Variants in SGSM2 observed in about 807,000 individuals in gnomAD.
The protein encoded by SGSM2 is RUN and TBC1 domain containing 1.
Under a neutral mutation model 126.6 loss-of-function variants are expected in SGSM2, and 89 were observed. That is an observed-to-expected ratio of 0.70 (90% CI 0.59 to 0.84). The LOEUF is 0.84. SGSM2 is among the 40% of genes least tolerant of loss of function. SGSM2 has a pLI of 0.00. For synonymous variants in SGSM2, 614 were observed against 574.3 expected (o/e 1.07, Z -0.99); for missense variants, 1,404 against 1,416.6 (o/e 0.99, Z 0.14).
chr17:2,358,193 C>T (rs946086870), intron 2 of SGSM2, among the ~76,000 whole-genome samples: 12 of 152,180 alleles, frequency 7.9e-5, no homozygotes, highest in African/African-American at 2.4e-4. Context: ...TCTGGGCCTC[C>T]AGTCAGAACG....
At chr17:2,379,283 G>A (rs750941674) in intron 23 of SGSM2, 80 bp downstream of exon 23, 117 of 1,574,662 alleles carry the variant, frequency 7.4e-5, no homozygotes, top group Non-Finnish European at 9.9e-5. Context: ...ACAGCTGGAG[G>A]GTTCTCAGGA....
At position 2,379,664 on chromosome 17, in the gene SGSM2, C is replaced by G; in HGVS notation, c.*144C>G. On this transcript the variant is annotated 3_prime_UTR_variant, in exon 24 of 24. Transcript: ENST00000268989. The stretch of plus-strand genomic sequence containing the variant: ...CGGTTGTGAGCCTGGATCCGACTCC[C>G]GGCAGTGCTGACCCTGCAGGGCAAG... 6.9e-7 allele frequency: 1 copy of G among 1,454,184 alleles called. No individual in the cohort carries two copies. Among genetic ancestry groups the G allele is most frequent in the Non-Finnish European group, 9.1e-7 (1 of 1,098,992 alleles). The allele number at this position is 1,454,184 out of a possible 1,614,324, so 90.1% of individuals were successfully genotyped here. A position where few individuals can be genotyped will look rare whatever the true frequency, so the allele number is the denominator to read the frequency against.
chr17:2,351,709 A>C (rs561049706), intron 2 of SGSM2, among the ~76,000 whole-genome samples: 1 of 152,008 alleles, frequency 6.6e-6, no homozygotes, highest in African/African-American at 2.4e-5. Context: ...AGGTCTACGC[A>C]CCACCACGCT....
Position 2,362,075 on chromosome 17 carries a change from C to T in SGSM2, c.297-34C>T. On this transcript the variant is annotated intron_variant, in intron 3 of 23. Transcript: ENST00000268989. This position sits in a 1 kb window ranked among gnomAD's most constrained non-coding sequence, Gnocchi z 4.9. Reference sequence around the variant, plus strand: ...AGCATTCTGGGGTTTACCCCTAGACCACTGCACTCCTGGAGCCCTCCCCGC... The same window carrying T: ...AGCATTCTGGGGTTTACCCCTAGACTACTGCACTCCTGGAGCCCTCCCCGC... 1 of 1,594,474 alleles carries T rather than the reference C, an allele frequency of 6.3e-7. No individual in the cohort carries two copies. The highest frequency in any genetic ancestry group is 8.5e-7 in the Non-Finnish European group (1 of 1,172,450).
intron 2 of SGSM2, among the ~76,000 whole-genome samples, chr17:2,357,546 G>A (rs757418525): frequency 2.6e-5 from 4 of 152,140 alleles, no homozygotes; most frequent in Non-Finnish European, 4.4e-5. Context: ...CACCCAGGCT[G>A]GAGTGCAATG....
In SGSM2 at chr17:2,363,402, G is replaced by A; in HGVS notation, c.673-63G>A. 6.2e-7 allele frequency: 1 copy of A among 1,604,032 alleles called. No individual in the cohort carries two copies. The highest frequency in any genetic ancestry group is 1.1e-5 in the South Asian group (1 of 90,752). On this transcript the variant is annotated intron_variant, in intron 6 of 23. Transcript: ENST00000268989. This position sits in a 1 kb window ranked among gnomAD's most constrained non-coding sequence, Gnocchi z 4.2. Reference sequence around the variant, plus strand: ...GGAGAGGGTCAGCATGGAAGCGTGAGGGTTCCCAAGCCTTGAGGCCAGTTT... The same window carrying A: ...GGAGAGGGTCAGCATGGAAGCGTGAAGGTTCCCAAGCCTTGAGGCCAGTTT...
intron 2 of SGSM2, among the ~76,000 whole-genome samples, chr17:2,345,151 T>C (rs1449746394): frequency 6.6e-6 from 1 of 151,988 alleles, no homozygotes; most frequent in African/African-American, 2.4e-5. Context: ...AGTATTATGA[T>C]AAGCAACTTT....
At position 2,364,112 on chromosome 17, in the gene SGSM2, G is replaced by C. The variant is rs2065447649; in HGVS notation, c.861G>C (p.Glu287Asp). Reference sequence around the variant, plus strand: ...ACCTCTCCCTGCACCAGTCTGCAGAGAGCCTGACTCTGAAGTGGACCCCCA... The same window carrying C: ...ACCTCTCCCTGCACCAGTCTGCAGACAGCCTGACTCTGAAGTGGACCCCCA... The part of the protein sequence containing the change: ...PGYLSLHQSA[E>D]SLTLKWTPNQ... Residue 287 changes from glutamate to aspartate, a missense_variant, in exon 8 of 24, where the codon GAG becomes GAC. Glu to Asp is a conservative substitution (Grantham distance 45). Coordinates refer to ENST00000268989, the MANE Select transcript of SGSM2 (RefSeq NM_014853.3). 1 of 1,614,074 alleles carries C rather than the reference G, an allele frequency of 6.2e-7. No individual in the cohort carries two copies. The highest frequency in any genetic ancestry group is 8.5e-7 in the Non-Finnish European group (1 of 1,180,034).
Position 2,367,792 on chromosome 17 carries a change from G to A in SGSM2, c.1423+387G>A, listed in dbSNP as rs1312389856. 6.6e-6 allele frequency among the ~76,000 whole-genome samples: 1 copy of A among 152,198 alleles called. No individual in the cohort carries two copies. The highest frequency in any genetic ancestry group is 1.5e-5 in the Non-Finnish European group (1 of 68,030). ...TTGGGAAGACCAGCCTCTGGGCCTG[G>A]TGCTTCTGACTCCTGACTTAACAGA... On this transcript the variant is annotated intron_variant, in intron 12 of 23. Transcript: ENST00000268989. This position sits in a 1 kb window ranked among gnomAD's most constrained non-coding sequence, Gnocchi z 4.0.
rs377115142 is a variant in SGSM2, at chr17:2,364,890, C to T, written c.1001-7C>T. On this transcript the variant is annotated splice_polypyrimidine_tract_variant and splice_region_variant and intron_variant, in intron 9 of 23. Coordinates refer to ENST00000268989, the MANE Select transcript of SGSM2 (RefSeq NM_014853.3). Reference sequence around the variant, plus strand: ...GCCTCAGCCGCACTCTCCACGTTCACCCCCAGAGAGCGGTGGCACGCTTGT... The same window carrying T: ...GCCTCAGCCGCACTCTCCACGTTCATCCCCAGAGAGCGGTGGCACGCTTGT... 3.1e-6 allele frequency: 5 copies of T among 1,607,458 alleles called. No individual in the cohort carries two copies. Among genetic ancestry groups the T allele is most frequent in the African/African-American group, 1.3e-5 (1 of 74,924 alleles).
In SGSM2 at chr17:2,372,750, C is replaced by T. The variant is rs1435542658; in HGVS notation, c.1789-203C>T. On this transcript the variant is annotated intron_variant, in intron 15 of 23. Coordinates refer to ENST00000268989, the MANE Select transcript of SGSM2 (RefSeq NM_014853.3). This position sits in a 1 kb window ranked among gnomAD's most constrained non-coding sequence, Gnocchi z 6.0. ...TCTCTCCGGGCGCCATTTCCTGCCC[C>T]TTAAGGAAGGAGAGCAGAACGAGAT... 3 of 844,644 alleles carry T rather than the reference C, an allele frequency of 3.6e-6. No individual in the cohort carries two copies. The highest frequency in any genetic ancestry group is 5.4e-6 in the Non-Finnish European group (3 of 554,796). The allele number at this position is 844,644 out of a possible 1,614,324, so 52.3% of individuals were successfully genotyped here. A position where few individuals can be genotyped will look rare whatever the true frequency, so the allele number is the denominator to read the frequency against.
chr17:2,374,272 G>A (rs1307342928), intron 17 of SGSM2: 2 of 152,342 alleles, frequency 1.3e-5, no homozygotes, highest in East Asian at 3.9e-4. Flanking sequence ...GAAAATGTAA[G>A]TTGAAGTAAG....
intron 2 of SGSM2, among the ~76,000 whole-genome samples, chr17:2,345,167 GT>G (rs2064538116): frequency 6.6e-6 from 1 of 152,144 alleles, no homozygotes; most frequent in Non-Finnish European, 1.5e-5. Context: ...ACTTTGAAGA[GT>G]ATTAGAATTC....
Position 2,367,294 on chromosome 17 carries a change from G to A in SGSM2, c.1312G>A (p.Ala438Thr), listed in dbSNP as rs1286679198. 5 of 1,613,784 alleles carry A rather than the reference G, an allele frequency of 3.1e-6. No individual in the cohort carries two copies. The highest frequency in any genetic ancestry group is 4.2e-6 in the Non-Finnish European group (5 of 1,179,892). The stretch of plus-strand genomic sequence containing the variant: ...AGTCACTATTAACTACCACCACCTA[G>A]CGGCCAGCCGCGCGGCCTCGGTGGA... ...EHITINYHHL[A>T]ASRAASVDDD... is the part of the protein sequence containing the mutation. The change falls in exon 12 of 24, where the codon GCG (alanine) becomes ACG (threonine). Residue 438 changes from alanine (A) to threonine (T), a missense_variant. Ala to Thr is a moderately conservative substitution (Grantham distance 58, BLOSUM62 0). Transcript: ENST00000268989. This position sits in a 1 kb window ranked among gnomAD's most constrained non-coding sequence, Gnocchi z 4.0.
intron 21 of SGSM2, 138 bp from the exon 22 acceptor site, chr17:2,377,719 C>T (rs980140192): frequency 1.3e-5 from 8 of 635,708 alleles, no homozygotes; most frequent in Admixed American, 2.4e-5. Context: ...GAGTGCACCG[C>T]GCAGCACAGG....
intron 2 of SGSM2, among the ~76,000 whole-genome samples, chr17:2,345,620 C>G (rs2064568874): frequency 6.6e-6 from 1 of 150,660 alleles, no homozygotes; most frequent in Admixed American, 6.6e-5. Flanking sequence ...AAAAAAATTC[C>G]TACTTTTTAA....
At chr17:2,350,898 A>G (rs565791705) in intron 2 of SGSM2, among the ~76,000 whole-genome samples, 2 of 152,256 alleles carry the variant, frequency 1.3e-5, no homozygotes, top group Middle Eastern at 3.4e-3. Context: ...TTTTCTCCCT[A>G]ATTACATCAG....
chr17:2,365,073 G>C lies in SGSM2; in HGVS notation c.1161+16G>C, dbSNP rs780418642. On this transcript the variant is annotated intron_variant, in intron 10 of 23. Transcript: ENST00000268989. The stretch of plus-strand genomic sequence containing the variant: ...GCAAGGGAAGGTAACTCGGGTGGGA[G>C]GCTTTAGGGGAAGGGCTGTGTGTGG... 1 of 1,609,496 alleles carries C rather than the reference G, an allele frequency of 6.2e-7. No homozygotes were observed. Among genetic ancestry groups the C allele is most frequent in the Admixed American group, 1.7e-5 (1 of 59,982 alleles).
chr17:2,353,106 T>A (rs999587993), intron 2 of SGSM2, among the ~76,000 whole-genome samples: 7 of 152,080 alleles, frequency 4.6e-5, no homozygotes, highest in Non-Finnish European at 8.8e-5. Flanking sequence ...AGCCGAGCTA[T>A]AGTTCATTTC....
Sources: allele counts gnomAD v4.1 joint callset (sites outside exome capture counted in the v4.1 genomes callset), GRCh38; gene constraint gnomAD v4.1.1; non-coding constraint Gnocchi (gnomAD v3.1); transcripts MANE v1.5; gene names NCBI Gene and HGNC (gene_info 2026-07-23, HGNC 2026-07-21).